ZNF438: variants seen among roughly 807,000 people sequenced by gnomAD.
ZNF438 encodes the protein zinc finger protein 438.
A neutral mutation model predicts 38.0 loss-of-function variants in ZNF438; 25 were observed. The observed-to-expected ratio is 0.66, with a 90% CI of 0.48 to 0.92. The LOEUF (loss-of-function observed/expected upper bound fraction) is 0.92, where lower values mean the gene tolerates loss of function less well. Ranked by LOEUF, ZNF438 falls within the 40% of genes least tolerant of loss-of-function variation. The probability of loss-of-function intolerance (pLI) is 0.00; values close to 1 mark genes in which losing one functional copy is unlikely to be tolerated. For synonymous variants in ZNF438, 372 were observed against 364.1 expected (o/e 1.02, Z -0.25); for missense variants, 1,007 against 999.6 (o/e 1.01, Z -0.10).
At chr10:30,963,628 C>T (rs1056065643) in intron 1 of ZNF438, among the ~76,000 whole-genome samples, 1 of 152,054 alleles carries the variant, frequency 6.6e-6, no homozygotes, top group Admixed American at 6.6e-5. Context: ...AATCCCAGCA[C>T]TTTGGGAGGC....
chr10:31,028,626 C>A (rs972378537), intron 1 of ZNF438, among the ~76,000 whole-genome samples: 1 of 152,112 alleles, frequency 6.6e-6, no homozygotes, highest in South Asian at 2.1e-4. Context: ...ATGAACTAAT[C>A]GGCATGTATT....
At chr10:30,968,064 T>TA (rs1389067436) in intron 1 of ZNF438, among the ~76,000 whole-genome samples, 2 of 152,168 alleles carry the variant, frequency 1.3e-5, no homozygotes, top group Non-Finnish European at 2.9e-5. Context: ...AACGGCATGA[T>TA]AAAATCATGC....
chr10:30,924,173 T>A (rs1374016033), intron 2 of ZNF438, among the ~76,000 whole-genome samples: 7 of 152,204 alleles, frequency 4.6e-5, no homozygotes, highest in Admixed American at 2.6e-4. Context: ...CAAGTCATAT[T>A]GTTACTGAAA....
At chr10:30,886,867 C>T (rs1033102719) in intron 3 of ZNF438, among the ~76,000 whole-genome samples, 7 of 151,954 alleles carry the variant, frequency 4.6e-5, no homozygotes, top group African/African-American at 1.7e-4. Flanking sequence ...CAAAATGCAC[C>T]CCACTTTAAG....
At chr10:30,955,300 T>C (rs1363541131) in intron 1 of ZNF438, among the ~76,000 whole-genome samples, 3 of 152,228 alleles carry the variant, frequency 2.0e-5, no homozygotes, top group African/African-American at 7.2e-5. Flanking sequence ...CTGTGGTGGA[T>C]TAAAGATGGC....
At chr10:31,017,015 G>A (rs1039755249) in intron 1 of ZNF438, among the ~76,000 whole-genome samples, 33 of 152,196 alleles carry the variant, frequency 2.2e-4, no homozygotes, top group Admixed American at 1.2e-3. Flanking sequence ...TCCTAGTCCA[G>A]CGGCTCGCAA....
chr10:31,030,649 G>T (rs2057228129), intron 1 of ZNF438, among the ~76,000 whole-genome samples: 1 of 152,126 alleles, frequency 6.6e-6, no homozygotes, highest in African/African-American at 2.4e-5. Flanking sequence ...TGATTCAAAG[G>T]CTCTTCCTAC....
intron 3 of ZNF438, among the ~76,000 whole-genome samples, chr10:30,889,041 T>C (rs1352931870): frequency 1.3e-5 from 2 of 152,174 alleles, no homozygotes; most frequent in Non-Finnish European, 2.9e-5. Context: ...GCATCTAACA[T>C]GCACACACAT....
intron 2 of ZNF438, among the ~76,000 whole-genome samples, chr10:30,935,449 A>G (rs1393335835): frequency 6.6e-6 from 1 of 152,102 alleles, no homozygotes; most frequent in Non-Finnish European, 1.5e-5. Context: ...GAGAGGAAGC[A>G]AGAGGGGAGG....
At chr10:31,015,613 C>A (rs781397798) in intron 1 of ZNF438, among the ~76,000 whole-genome samples, 9 of 152,222 alleles carry the variant, frequency 5.9e-5, no homozygotes, top group Non-Finnish European at 1.3e-4. Context: ...CACTGCACTC[C>A]AGCCTGGGTG....
At chr10:30,980,428 A>G (rs1002274435) in intron 1 of ZNF438, among the ~76,000 whole-genome samples, 2 of 152,148 alleles carry the variant, frequency 1.3e-5, no homozygotes, top group Non-Finnish European at 2.9e-5. Flanking sequence ...TTTGGGATAC[A>G]TTTTGAAAGG....
chr10:30,882,801 T>C (rs890132232), intron 3 of ZNF438, among the ~76,000 whole-genome samples: 3 of 152,216 alleles, frequency 2.0e-5, no homozygotes, highest in Non-Finnish European at 4.4e-5. Flanking sequence ...CAAGGGTATA[T>C]ACGTATATCA....
At chr10:30,848,482 C>T in intron 5 of ZNF438, 49 bp downstream of exon 6, 1 of 1,550,308 alleles carries the variant, frequency 6.5e-7, no homozygotes, top group Non-Finnish European at 8.7e-7. Context: ...CCCTCTTCCC[C>T]AAATCAAAAC....
At chr10:30,849,808 G>A (rs776944627) in exon 5 of ZNF438, 5 of 1,614,048 alleles carry the variant, frequency 3.1e-6, no homozygotes, top group Non-Finnish European at 4.2e-6. Context: ...AGTCCCCATG[G>A]TCACTTCCAT....
chr10:30,946,196 A>G (rs1325651864), intron 1 of ZNF438, among the ~76,000 whole-genome samples: 2 of 152,230 alleles, frequency 1.3e-5, no homozygotes, highest in Admixed American at 6.5e-5. Context: ...AATCAATTCA[A>G]GACGGATTAA....
chr10:30,954,200 C>A (rs957506748), intron 1 of ZNF438, among the ~76,000 whole-genome samples: 2 of 151,958 alleles, frequency 1.3e-5, no homozygotes, highest in African/African-American at 4.8e-5. Context: ...GATTTCTAGG[C>A]GAAAGGTTGA....
intron 1 of ZNF438, among the ~76,000 whole-genome samples, chr10:30,966,085 C>A (rs2050084179): frequency 6.6e-6 from 1 of 152,182 alleles, no homozygotes; most frequent in Non-Finnish European, 1.5e-5. Flanking sequence ...AATTACCCAG[C>A]ACTTTGGAGG....
chr10:30,875,604 C>T (rs1224061244), intron 4 of ZNF438: 1 of 982,390 alleles, frequency 1.0e-6, no homozygotes, highest in Non-Finnish European at 1.2e-6. Context: ...GGATATATAC[C>T]AGAGAACACT....
rs561340687 is a variant in ZNF438, at chr10:31,003,718, A to G, written c.-192+28115T>C. On this transcript the variant is annotated intron_variant, in intron 1 of 5. Transcript: ENST00000413025. ...CTGTGATTACCACAGTAGCCTCTTA[A>G]CTGGTCTTCCTGCTTTCAGTCTTCC... 1.7e-4 allele frequency among the ~76,000 whole-genome samples: 26 copies of G among 152,242 alleles called. No homozygotes were observed. The East Asian group carries it at 2.3e-3, about 14-fold the overall frequency.
Sources: gnomAD v4.1 joint callset for allele counts (sites outside exome capture counted in the v4.1 genomes callset) on GRCh38, gnomAD v4.1.1 for gene constraint, MANE v1.5 for transcripts, NCBI Gene and HGNC (gene_info 2026-07-23, HGNC 2026-07-21) for gene names.